PYGL: variants seen among roughly 807,000 people sequenced by gnomAD.
The protein encoded by PYGL is glycogen phosphorylase L, also known as glycogen phosphorylase, liver form.
Under a neutral mutation model 100.1 loss-of-function variants are expected in PYGL, and 90 were observed. That is an observed-to-expected ratio of 0.90 (90% CI 0.76 to 1.07). PYGL has a LOEUF of 1.07. Among genes scored for constraint, PYGL ranks in the 50% least tolerant of loss-of-function variants. The probability of loss-of-function intolerance (pLI) is 0.00; values close to 1 mark genes in which losing one functional copy is unlikely to be tolerated. For synonymous variants in PYGL, 373 were observed against 393.0 expected, an observed-to-expected ratio of 0.95 and a Z score of 0.60; for missense variants, 1,016 against 1,057.6, an observed-to-expected ratio of 0.96 and a Z score of 0.55.
At chr14:50,916,603 C>A (rs1430521679) in intron 9 of PYGL, 39 bp downstream of exon 9, 1 of 1,545,802 alleles carries the variant, frequency 6.5e-7, no homozygotes. Context: ...TGCAGCCATT[C>A]TGGTTAATTA....
At position 50,910,040 on chromosome 14, in the gene PYGL, C is replaced by T; in HGVS notation, c.2032G>A (p.Gly678Ser). 1.2e-6 allele frequency: 2 copies of T among 1,614,210 alleles called. No individual in the cohort carries two copies. The highest frequency in any genetic ancestry group is 8.5e-7 in the Non-Finnish European group (1 of 1,180,024). Reference sequence around the variant, plus strand: ...CCATTTAGCATGAACTTCATATTGCCTGTCCCCGAGGCTTCGGTGCCTGCA... The same window carrying T: ...CCATTTAGCATGAACTTCATATTGCTTGTCCCCGAGGCTTCGGTGCCTGCA... Reference protein sequence around the residue: ...STAGTEASGTGNMKFMLNGAL... With the variant: ...STAGTEASGTSNMKFMLNGAL... The change falls in exon 17 of 20, where the codon GGC becomes AGC. Residue 678 changes from glycine to serine, a missense_variant. By Grantham distance (56) the Gly-to-Ser change is moderately conservative. Transcript: ENST00000216392.
rs764407801 is a variant in PYGL at position 50,917,067 on chromosome 14, G to C, written c.894C>G (p.Tyr298Ter). 1 of 1,613,924 alleles carries C rather than the reference G, an allele frequency of 6.2e-7. No individual in the cohort carries two copies. Among genetic ancestry groups the C allele is most frequent in the Non-Finnish European group, 8.5e-7 (1 of 1,179,754 alleles). ...CTTGCAAGGTTGCAGCCACCACAAA[G>C]TATTCCTGCTTCAATCTTAGCTCCT... ...EGKELRLKQE[Y>*]FVVAATLQDI... Residue 298 changes from tyrosine to a stop codon, truncating the protein, a stop_gained, in exon 8 of 20, where the codon TAC becomes TAG. Coordinates refer to ENST00000216392, the MANE Select transcript of PYGL (RefSeq NM_002863.5). LOFTEE classifies it high-confidence loss of function.
At chr14:50,917,614 C>T (rs549369200) in intron 7 of PYGL, among the ~76,000 whole-genome samples, 6 of 152,372 alleles carry the variant, frequency 3.9e-5, no homozygotes, top group African/African-American at 1.4e-4. Context: ...ACATGACCGC[C>T]CTCCTGCTGG....
At chr14:50,908,484 C>T (rs2142786168) in intron 18 of PYGL, 147 bp from the exon 19 acceptor site, 1 of 829,226 alleles carries the variant, frequency 1.2e-6, no homozygotes, top group Non-Finnish European at 2.0e-6. Flanking sequence ...AGACTTTTAA[C>T]CAGCCCTCAA....
intron 5 of PYGL, chr14:50,923,319 A>T (rs1378989093): frequency 6.6e-6 from 1 of 151,812 alleles, no homozygotes; most frequent in Admixed American, 6.6e-5. Flanking sequence ...ACAGAGTCTC[A>T]CTCTGTTACC....
In PYGL at chr14:50,944,466, G is replaced by T; in HGVS notation, c.-63C>A. On this transcript the variant is annotated 5_prime_UTR_variant, in exon 1 of 20. Transcript: ENST00000216392. ...AGCTGGAAGTGCGGCCGGAGGCGCT[G>T]GGCTGCCGGGCAGGGGTGGAGTCCG... 2 of 1,525,188 alleles carry T rather than the reference G, an allele frequency of 1.3e-6. No individual in the cohort carries two copies. The highest frequency in any genetic ancestry group is 2.4e-5 in the South Asian group (2 of 82,932). The allele number at this position is 1,525,188 out of a possible 1,614,324, so 94.5% of individuals were successfully genotyped here. A position where few individuals can be genotyped will look rare whatever the true frequency, so the allele number is the denominator to read the frequency against.
At chr14:50,943,396 C>G (rs2050717562) in intron 1 of PYGL, among the ~76,000 whole-genome samples, 1 of 152,244 alleles carries the variant, frequency 6.6e-6, no homozygotes, top group African/African-American at 2.4e-5. Flanking sequence ...CTCCCGCCCC[C>G]ACGCCGTGGA....
intron 3 of PYGL, among the ~76,000 whole-genome samples, chr14:50,934,532 C>T (rs1236646789): frequency 6.6e-6 from 1 of 151,762 alleles, no homozygotes; most frequent in African/African-American, 2.4e-5. Context: ...CAGTGTGATA[C>T]CATTTATTTT....
At chr14:50,906,409 C>T (rs1352674152) in intron 19 of PYGL, among the ~76,000 whole-genome samples, 1 of 152,176 alleles carries the variant, frequency 6.6e-6, no homozygotes, top group African/African-American at 2.4e-5. Flanking sequence ...AGGATAAAAG[C>T]TTTCTCTCTT....
chr14:50,913,619 C>A (rs1047416720), intron 12 of PYGL, among the ~76,000 whole-genome samples: 25 of 152,154 alleles, frequency 1.6e-4, no homozygotes, highest in African/African-American at 6.0e-4. Context: ...TGTGATCTGC[C>A]CTCCTCGGCC....
intron 10 of PYGL, 95 bp downstream of exon 10, chr14:50,915,730 T>C (rs2050440837): frequency 2.4e-5 from 37 of 1,514,178 alleles, no homozygotes; most frequent in Non-Finnish European, 3.2e-5. Context: ...GTATCAATGA[T>C]TGAAAGATGT....
In PYGL at chr14:50,909,108, T is replaced by C. The variant is rs8004788; in HGVS notation, c.2178-153A>G. Among the ~76,000 whole-genome samples, 51,585 of 152,072 alleles carry C rather than the reference T, an allele frequency of 0.34. 9,400 individuals are homozygous for C. Among genetic ancestry groups the C allele is most frequent in the East Asian group, 0.56 (2,870 of 5,166 alleles). On this transcript the variant is annotated intron_variant, in intron 17 of 19. Coordinates refer to ENST00000216392, the MANE Select transcript of PYGL (RefSeq NM_002863.5). ...TTATAGATTTCACCATGAGTATATA[T>C]AACTTTTAACTAGATCTGTAAGTTT...
chr14:50,931,904 A>G, intron 3 of PYGL, 128 bp from the exon 4 acceptor site: 1 of 733,894 alleles, frequency 1.4e-6, no homozygotes, highest in Non-Finnish European at 2.5e-6. Flanking sequence ...ATTCTAAAGC[A>G]CAGATACTAC....
chr14:50,925,255 A>G (rs918377487), intron 4 of PYGL, among the ~76,000 whole-genome samples: 4 of 152,226 alleles, frequency 2.6e-5, no homozygotes, highest in African/African-American at 9.6e-5. Flanking sequence ...ATAAAACATA[A>G]GAAATGGTAC....
chr14:50,914,868 TG>T, intron 11 of PYGL, 53 bp from the exon 12 acceptor site: 5 of 1,336,932 alleles, frequency 3.7e-6, no homozygotes, highest in Non-Finnish European at 5.4e-6. Flanking sequence ...CAAAGGGTCC[TG>T]CACACTGGAC....
Position 50,924,216 on chromosome 14 carries a change from G to A in PYGL, c.529-116C>T, listed in dbSNP as rs1461401883. The stretch of plus-strand genomic sequence containing the variant: ...TTAACTGAAACAACTTATGAATACT[G>A]AGTACTGTTTTGTAACTTTTTTACA... On this transcript the variant is annotated intron_variant, in intron 4 of 19. Coordinates refer to ENST00000216392, the MANE Select transcript of PYGL (RefSeq NM_002863.5). 7 of 1,266,332 alleles carry A rather than the reference G, an allele frequency of 5.5e-6. No homozygotes were observed. The Admixed American group carries it at 6.1e-5, about 11-fold the overall frequency. 78.4% of individuals were successfully genotyped at this position (1,266,332 alleles called of 1,614,324 possible).
At chr14:50,921,937 G>A (rs2050506779) in intron 5 of PYGL, among the ~76,000 whole-genome samples, 2 of 152,192 alleles carry the variant, frequency 1.3e-5, no homozygotes, top group African/African-American at 4.8e-5. Flanking sequence ...AGTTATTTTA[G>A]TGATTCCTAC....
chr14:50,910,779 C>T (rs981565078), intron 16 of PYGL, among the ~76,000 whole-genome samples: 6 of 152,204 alleles, frequency 3.9e-5, no homozygotes, highest in Non-Finnish European at 7.3e-5. Flanking sequence ...CACCTCCTTC[C>T]TTCCACTTTT....
Position 50,909,896 on chromosome 14 carries a change from C to T in PYGL, c.2176G>A (p.Gly726Arg). The T allele has an allele frequency of 1.2e-6, 2 of 1,614,164 alleles. No homozygotes were observed. ...IDDVAALDKK[G>R]YEAKEYYEAL... Reference sequence around the variant, plus strand: ...AGCAAAGAGAAGCTATTCTCTTACCCTTTCTTGTCCAAAGCAGCCACATCA... The same window carrying T: ...AGCAAAGAGAAGCTATTCTCTTACCTTTTCTTGTCCAAAGCAGCCACATCA... The change falls in exon 17 of 20, where the codon GGG becomes AGG. Residue 726 changes from glycine (G) to arginine (R), a missense_variant and splice_region_variant. Gly to Arg is a moderately radical substitution (Grantham distance 125). Coordinates refer to ENST00000216392, the MANE Select transcript of PYGL (RefSeq NM_002863.5).
Sources: allele counts gnomAD v4.1 joint callset (sites outside exome capture counted in the v4.1 genomes callset), GRCh38; gene constraint gnomAD v4.1.1; transcripts MANE v1.5; gene names NCBI Gene and HGNC (gene_info 2026-07-23, HGNC 2026-07-21).